Variants in PLCD4 observed in about 807,000 individuals in gnomAD.
The protein encoded by PLCD4 is 1-phosphatidylinositol 4,5-bisphosphate phosphodiesterase delta-4.
A neutral mutation model predicts 90.2 loss-of-function variants in PLCD4; 63 were observed. That is an observed-to-expected ratio of 0.70 (90% CI 0.57 to 0.86). The LOEUF is 0.86. PLCD4 is among the 40% of genes least tolerant of loss of function. The probability of loss-of-function intolerance (pLI) is 0.00; values close to 1 mark genes in which losing one functional copy is unlikely to be tolerated. For missense variants in PLCD4, 830 were observed against 956.3 expected (o/e 0.87, Z 1.74); for synonymous variants, 294 against 356.5 (o/e 0.82, Z 1.97).
chr2:218,618,560 C>T lies in PLCD4; in HGVS notation c.182-19C>T, dbSNP rs1280317326. 6 of 1,608,678 alleles carry T rather than the reference C, an allele frequency of 3.7e-6. No individual in the cohort carries two copies. In the Middle Eastern group the frequency reaches 4.9e-4, roughly 133 times the overall value. ...TGGAATCCCTTCCTTAATGCCTCCACCTGTTTCTTCTCTGGCAGTCTCAAT... is the reference window on the plus strand; with the variant it reads ...TGGAATCCCTTCCTTAATGCCTCCATCTGTTTCTTCTCTGGCAGTCTCAAT... On this transcript the variant is annotated intron_variant, in intron 3 of 15. Coordinates refer to ENST00000450993, the MANE Select transcript of PLCD4 (RefSeq NM_032726.4).
In PLCD4 at chr2:218,615,693, C is replaced by T. The variant is rs761028394; in HGVS notation, c.-33-14C>T. The T allele has an allele frequency of 2.4e-5, 37 of 1,560,568 alleles. No homozygotes were observed. Among genetic ancestry groups the T allele is most frequent in the Middle Eastern group, 1.7e-4 (1 of 5,836 alleles). On this transcript the variant is annotated splice_polypyrimidine_tract_variant and intron_variant, in intron 1 of 15. Transcript: ENST00000450993. ...GATTCACCCAGAGCCCTTTGCTCTT[C>T]CTTGCTCCTTTAGGTGATCTGGTGC...
rs1696744900 is a variant in PLCD4 at position 218,636,317 on chromosome 2, G to A, written c.2107G>A (p.Val703Ile). 7.4e-6 allele frequency: 12 copies of A among 1,614,032 alleles called. No homozygotes were observed. In the East Asian group the frequency reaches 2.7e-4, roughly 36 times the overall value. Residue 703 changes from valine (V) to isoleucine (I), a missense_variant, in exon 15 of 16, where the codon GTA becomes ATA. Coordinates refer to ENST00000450993, the MANE Select transcript of PLCD4 (RefSeq NM_032726.4). The part of the protein sequence containing the change: ...VPELAMLRFV[V>I]MDYDWKSRND... ...TGAACTTGCCATGCTGCGTTTTGTG[G>A]TAATGGATTATGACTGGAAATCCCG... is the stretch of plus-strand genomic sequence containing the variant.
intron 13 of PLCD4, among the ~76,000 whole-genome samples, chr2:218,635,205 T>C (rs1575044798): frequency 1.3e-5 from 2 of 151,706 alleles, no homozygotes; most frequent in Admixed American, 1.3e-4. Flanking sequence ...GAGATGGAGG[T>C]TGCAGTGAGC....
At chr2:218,631,913 G>A (rs924470332) in intron 9 of PLCD4, among the ~76,000 whole-genome samples, 2 of 152,114 alleles carry the variant, frequency 1.3e-5, no homozygotes, top group Non-Finnish European at 2.9e-5. Flanking sequence ...CAAATGTGTG[G>A]CAGGAGACCA....
intron 10 of PLCD4, chr2:218,633,203 C>G: frequency 1.7e-6 from 1 of 589,194 alleles, no homozygotes; most frequent in South Asian, 2.2e-5. Flanking sequence ...TACATTTTGA[C>G]CAAAGGTTAT....
Position 218,633,836 on chromosome 2 carries a change from C to A in PLCD4, c.1606+75C>A, listed in dbSNP as rs776151746. 4.3e-5 allele frequency: 66 copies of A among 1,541,460 alleles called. No homozygotes were observed. In the South Asian group the frequency reaches 7.3e-4, roughly 17 times the overall value. On this transcript the variant is annotated intron_variant, in intron 11 of 15. Transcript: ENST00000450993. Reference sequence around the variant, plus strand: ...AGGCCTGATGGACTGGCAGGTAAGTCCCAAGAAAAAAGACAAGGTAGCTAA... The same window carrying A: ...AGGCCTGATGGACTGGCAGGTAAGTACCAAGAAAAAAGACAAGGTAGCTAA...
At chr2:218,628,329 G>A in intron 7 of PLCD4, 99 bp downstream of exon 7, 1 of 1,231,102 alleles carries the variant, frequency 8.1e-7, no homozygotes, top group Non-Finnish European at 1.2e-6. Context: ...AGTGTTGTGG[G>A]GGTTTAGGGG....
At chr2:218,615,848 C>T (rs558641740) in intron 2 of PLCD4, 56 bp from the exon 3 acceptor site, 131 of 1,608,686 alleles carry the variant, frequency 8.1e-5, no homozygotes, top group Non-Finnish European at 1.1e-4. Context: ...CCAGAGCTCT[C>T]CCTGGGCCTG....
chr2:218,636,171 A>G (rs1559279684), intron 14 of PLCD4, 72 bp from the exon 15 acceptor site: 2 of 1,514,176 alleles, frequency 1.3e-6, no homozygotes, highest in Admixed American at 3.4e-5. Context: ...ATTAAATGAG[A>G]ACACAAGAAA....
chr2:218,633,589 T>C lies in PLCD4; in HGVS notation c.1450-16T>C, dbSNP rs747016552. The C allele has an allele frequency of 6.2e-7, 1 of 1,611,682 alleles. No homozygotes were observed. Among genetic ancestry groups the C allele is most frequent in the South Asian group, 1.1e-5 (1 of 91,028 alleles). ...TGCTGAGGGTTCAATTCCATCTTCT[T>C]TTCCACCTTCTCCAGAAATCCAAGC... On this transcript the variant is annotated splice_polypyrimidine_tract_variant and intron_variant, in intron 10 of 15. Transcript: ENST00000450993.
chr2:218,616,950 AGAG>A (rs1695631179), intron 3 of PLCD4, among the ~76,000 whole-genome samples: 1 of 72,596 alleles, frequency 1.4e-5, no homozygotes, highest in African/African-American at 5.4e-5. Flanking sequence ...AGAGAGAGAG[AGAG>A]AGAGAGAGAG....
In PLCD4 at chr2:218,634,536, A is replaced by T. The variant is rs149628135; in HGVS notation, c.1802A>T (p.Tyr601Phe). The T allele has an allele frequency of 7.6e-5, 123 of 1,614,062 alleles. No individual in the cohort carries two copies. The African/African-American group carries it at 1.4e-3, about 18-fold the overall frequency. ...TTCCGCCAGAATGGCGGCTGTGGCT[A>T]TGTGCTGAAGCCAGACTTCCTGCGT... ...GHFRQNGGCG[Y>F]VLKPDFLRDI... is the part of the protein sequence containing the mutation. Residue 601 changes from tyrosine to phenylalanine, a missense_variant, in exon 13 of 16, where the codon TAT (tyrosine) becomes TTT (phenylalanine). Physicochemically the swap from Tyr to Phe is conservative, Grantham distance 22. Coordinates refer to ENST00000450993, the MANE Select transcript of PLCD4 (RefSeq NM_032726.4). This position sits in a 1 kb window ranked among gnomAD's most constrained non-coding sequence, Gnocchi z 4.0.
At chr2:218,628,417 G>A in intron 7 of PLCD4, 187 bp downstream of exon 7, 1 of 558,154 alleles carries the variant, frequency 1.8e-6, no homozygotes, top group Non-Finnish European at 3.1e-6. Flanking sequence ...AACCCTATGG[G>A]TCAATGGAAC....
intron 4 of PLCD4, 76 bp from the exon 5 acceptor site, chr2:218,621,394 G>A: frequency 6.5e-7 from 1 of 1,538,160 alleles, no homozygotes; most frequent in Non-Finnish European, 8.9e-7. Flanking sequence ...GGGGAGAGAT[G>A]TCAGTGGACG....
intron 6 of PLCD4, among the ~76,000 whole-genome samples, chr2:218,624,311 A>G (rs1696010317): frequency 1.3e-5 from 2 of 152,214 alleles, no homozygotes; most frequent in Admixed American, 6.5e-5. Flanking sequence ...GACCTATGCT[A>G]GGCACCAGAC....
intron 5 of PLCD4, 45 bp downstream of exon 5, chr2:218,621,644 T>G (rs1250659194): frequency 6.2e-7 from 1 of 1,610,944 alleles, no homozygotes; most frequent in East Asian, 2.2e-5. Context: ...CAGGCCACAT[T>G]TTCATTTGGC....
intron 3 of PLCD4, 59 bp downstream of exon 3, chr2:218,616,121 G>A (rs538443582): frequency 2.8e-4 from 435 of 1,578,320 alleles, no homozygotes; most frequent in Non-Finnish European, 3.5e-4. Flanking sequence ...TGAGGAGCCC[G>A]GCAGGGGAGG....
Position 218,618,610 on chromosome 2 carries a change from T to A in PLCD4, c.213T>A (p.Asn71Lys). The change falls in exon 4 of 16, where the codon AAT becomes AAA. Residue 71 changes from asparagine (N) to lysine (K), a missense_variant. Transcript: ENST00000450993. ...FSISDVETIR[N>K]GHDSELLRSL... is the part of the protein sequence containing the mutation. Reference sequence around the variant, plus strand: ...TCTCTGATGTGGAGACAATACGTAATGGCCATGATTCCGAGTTGCTGCGTA... The same window carrying A: ...TCTCTGATGTGGAGACAATACGTAAAGGCCATGATTCCGAGTTGCTGCGTA... 1 of 1,614,068 alleles carries A rather than the reference T, an allele frequency of 6.2e-7. No individual in the cohort carries two copies. Among genetic ancestry groups the A allele is most frequent in the Non-Finnish European group, 8.5e-7 (1 of 1,179,904 alleles).
intron 14 of PLCD4, 119 bp downstream of exon 14, chr2:218,636,050 G>C: frequency 6.7e-7 from 1 of 1,500,808 alleles, no homozygotes; most frequent in Non-Finnish European, 9.1e-7. Context: ...AGGCAGTGTG[G>C]AACAGTACAA....
Sources: gnomAD v4.1 joint callset for allele counts (sites outside exome capture counted in the v4.1 genomes callset) on GRCh38, gnomAD v4.1.1 for gene constraint, Gnocchi (gnomAD v3.1) non-coding constraint, MANE v1.5 for transcripts, NCBI Gene and HGNC (gene_info 2026-07-23, HGNC 2026-07-21) for gene names.